PACS2: variants seen among roughly 807,000 people sequenced by gnomAD.
PACS2 encodes the protein PACS1-like protein.
Under a neutral mutation model 113.0 loss-of-function variants are expected in PACS2, and 36 were observed. That is an observed-to-expected ratio of 0.32 (90% CI 0.24 to 0.42). The LOEUF is 0.42. Among genes scored for constraint, PACS2 ranks in the 10% least tolerant of loss-of-function variants. The probability of loss-of-function intolerance (pLI) is 1.00; values close to 1 mark genes in which losing one functional copy is unlikely to be tolerated. For synonymous variants in PACS2, 589 were observed against 536.1 expected, an observed-to-expected ratio of 1.10 and a Z score of -1.36; for missense variants, 1,015 against 1,239.5, an observed-to-expected ratio of 0.82 and a Z score of 2.72.
chr14:105,364,120 T>C (rs2060834206), intron 4 of PACS2, among the ~76,000 whole-genome samples: 1 of 149,124 alleles, frequency 6.7e-6, no homozygotes, highest in Non-Finnish European at 1.5e-5. Context: ...ATTGGGAGAA[T>C]TACCAAAATG....
At chr14:105,337,389 C>T (rs944534944) in intron 1 of PACS2, among the ~76,000 whole-genome samples, 4 of 152,190 alleles carry the variant, frequency 2.6e-5, no homozygotes, top group African/African-American at 7.2e-5. Flanking sequence ...CATCCACGCA[C>T]GTAGTGCCAC....
chr14:105,313,979 T>C (rs961429505), upstream of PACS2, among the ~76,000 whole-genome samples: 2 of 152,258 alleles, frequency 1.3e-5, no homozygotes, highest in Non-Finnish European at 2.9e-5. Context: ...CCCAGACATT[T>C]GTTCTCCATT....
chr14:105,384,641 T>C (rs1455419936), intron 17 of PACS2, among the ~76,000 whole-genome samples, 178 bp downstream of exon 17: 1 of 152,174 alleles, frequency 6.6e-6, no homozygotes, highest in African/African-American at 2.4e-5. Context: ...AGCCTTGGAA[T>C]GTTGGAAGCT....
At chr14:105,390,208 C>T in intron 20 of PACS2, 3 of 622,630 alleles carry the variant, frequency 4.8e-6, no homozygotes, top group African/African-American at 3.6e-5. Flanking sequence ...TGTTAGTTCC[C>T]CTTAGCTCTG....
At chr14:105,382,648 T>C (rs1479699850) in intron 14 of PACS2, 67 bp downstream of exon 14, 1 of 1,100,812 alleles carries the variant, frequency 9.1e-7, no homozygotes, top group Non-Finnish European at 1.4e-6. Context: ...TTCCTGAAGC[T>C]GCCCCCTACC....
chr14:105,305,113 G>C (rs914690516), intron 1 of PACS2, among the ~76,000 whole-genome samples: 1 of 152,164 alleles, frequency 6.6e-6, no homozygotes, highest in African/African-American at 2.4e-5. Flanking sequence ...CCTCAGAAAA[G>C]TGGCTGGCTG....
intron 4 of PACS2, among the ~76,000 whole-genome samples, chr14:105,363,106 G>T (rs2060795772): frequency 6.6e-6 from 1 of 152,140 alleles, no homozygotes; most frequent in African/African-American, 2.4e-5. Context: ...AGGCTTTGTT[G>T]TTCCATTTTC....
chr14:105,310,864 C>T (rs1301518224), upstream of PACS2, among the ~76,000 whole-genome samples: 2 of 152,196 alleles, frequency 1.3e-5, no homozygotes, highest in East Asian at 3.8e-4. Flanking sequence ...TGTATCCTAT[C>T]AATATTTTTC....
At chr14:105,344,839 G>A (rs927254760) in intron 1 of PACS2, among the ~76,000 whole-genome samples, 2 of 152,262 alleles carry the variant, frequency 1.3e-5, no homozygotes, top group Admixed American at 6.5e-5. Context: ...AGGGCTGGGC[G>A]CAGTGGCCCA....
At chr14:105,316,120 C>T (rs1275820763) in intron 1 of PACS2, among the ~76,000 whole-genome samples, 1 of 152,216 alleles carries the variant, frequency 6.6e-6, no homozygotes, top group Non-Finnish European at 1.5e-5. Context: ...GGCTTGCCCT[C>T]CTGGAGCGCA....
Position 105,379,784 on chromosome 14 carries a change from T to G in PACS2, c.1005T>G (p.Ile335Met). Residue 335 changes from isoleucine to methionine, a missense_variant, in exon 10 of 25, where the codon ATT (isoleucine) becomes ATG (methionine). Ile to Met is a conservative substitution (Grantham distance 10). Coordinates refer to ENST00000447393, the MANE Select transcript of PACS2 (RefSeq NM_001100913.3). ...CGCACTCGAGCTCGCAGACGGAGAT[T>G]GGGAGCATCCACAGCGCCCGCAGCC... ...GLSHSSSQTE[I>M]GSIHSARSHK... 6.2e-7 allele frequency: 1 copy of G among 1,613,546 alleles called. No individual in the cohort carries two copies. Among genetic ancestry groups the G allele is most frequent in the Non-Finnish European group, 8.5e-7 (1 of 1,180,004 alleles).
At chr14:105,382,245 A>T (rs1364375081) in intron 13 of PACS2, among the ~76,000 whole-genome samples, 187 bp downstream of exon 13, 2 of 152,312 alleles carry the variant, frequency 1.3e-5, no homozygotes, top group East Asian at 3.9e-4. Context: ...CAGGAAGACC[A>T]TGTGGACCCC....
chr14:105,390,044 C>T (rs782342594), intron 20 of PACS2, 41 bp downstream of exon 20: 14 of 1,566,126 alleles, frequency 8.9e-6, no homozygotes, highest in Non-Finnish European at 1.1e-5. Flanking sequence ...AACCGCACAC[C>T]TGCCAACTTG....
At chr14:105,349,179 C>T (rs1459922528) in intron 2 of PACS2, among the ~76,000 whole-genome samples, 1 of 152,258 alleles carries the variant, frequency 6.6e-6, no homozygotes, top group South Asian at 2.1e-4. Flanking sequence ...GCCCAGTGGC[C>T]CAGACAGGGA....
chr14:105,388,738 T>TG (rs2081261419), intron 19 of PACS2: 1 of 152,290 alleles, frequency 6.6e-6, no homozygotes, highest in Non-Finnish European at 1.5e-5. Context: ...GACAGCCACT[T>TG]GCCGGCATCA....
upstream of PACS2, among the ~76,000 whole-genome samples, chr14:105,311,909 C>T (rs944855949): frequency 1.3e-5 from 2 of 152,188 alleles, no homozygotes; most frequent in East Asian, 1.9e-4. Context: ...TCTAGGGGTT[C>T]GGCAGTTCTG....
chr14:105,384,133 C>T (rs1783674028), intron 16 of PACS2: 2 of 543,378 alleles, frequency 3.7e-6, no homozygotes, highest in Non-Finnish European at 6.6e-6. Flanking sequence ...GCACTCAGGG[C>T]TCTGGGACCT....
Position 105,356,235 on chromosome 14 carries a change from A to G in PACS2, c.423+1058A>G, listed in dbSNP as rs2060441253. ...CGCTAGGTCCCCCAGATCCTCACAC[A>G]CCCCCACTTACGCATCCAGGACAAG... On this transcript the variant is annotated intron_variant, in intron 4 of 24. Coordinates refer to ENST00000447393, the MANE Select transcript of PACS2 (RefSeq NM_001100913.3). The surrounding 1 kb of genome is among the most constrained non-coding windows in gnomAD (Gnocchi z 4.0). Among the ~76,000 whole-genome samples, 1 of 151,394 alleles carries G rather than the reference A, an allele frequency of 6.6e-6. No individual in the cohort carries two copies. The highest frequency in any genetic ancestry group is 1.5e-5 in the Non-Finnish European group (1 of 67,814).
chr14:105,367,030 C>T (rs2060965029), intron 4 of PACS2, among the ~76,000 whole-genome samples, 183 bp from the exon 5 acceptor site: 1 of 152,202 alleles, frequency 6.6e-6, no homozygotes, highest in Non-Finnish European at 1.5e-5. Context: ...TCGTATCTGT[C>T]CCCTCTCCCC....
Sources: allele counts gnomAD v4.1 joint callset (sites outside exome capture counted in the v4.1 genomes callset), GRCh38; gene constraint gnomAD v4.1.1; non-coding constraint Gnocchi (gnomAD v3.1); transcripts MANE v1.5; gene names NCBI Gene and HGNC (gene_info 2026-07-23, HGNC 2026-07-21).